SRPK2: variants seen among roughly 807,000 people sequenced by gnomAD.
SRPK2 encodes the protein SRSF protein kinase 2.
In SRPK2, 21 loss-of-function variants were observed where a neutral mutation model predicts 90.8. The ratio of observed to expected loss-of-function variants is 0.23; its 90% CI spans 0.16 to 0.33. The LOEUF (loss-of-function observed/expected upper bound fraction) is 0.33. Among genes scored for constraint, SRPK2 ranks in the 10% least tolerant of loss-of-function variants. The pLI, the probability that SRPK2 is intolerant of heterozygous loss-of-function variation, is 1.00. For missense variants in SRPK2, 620 were observed against 869.0 expected, an observed-to-expected ratio of 0.71 and a Z score of 3.60; for synonymous variants, 288 against 311.1, an observed-to-expected ratio of 0.93 and a Z score of 0.78.
intron 2 of SRPK2, among the ~76,000 whole-genome samples, chr7:105,230,517 T>C (rs1241943487): frequency 6.6e-6 from 1 of 152,156 alleles, no homozygotes; most frequent in East Asian, 1.9e-4. Flanking sequence ...TTAAGCATGA[T>C]GAAGAAAGAA....
intron 2 of SRPK2, among the ~76,000 whole-genome samples, chr7:105,205,196 C>T (rs905884034): frequency 1.3e-5 from 2 of 151,978 alleles, no homozygotes; most frequent in East Asian, 1.9e-4. Context: ...AAAACCCATA[C>T]GGCCACAACT....
intron 2 of SRPK2, among the ~76,000 whole-genome samples, chr7:105,274,140 A>G (rs1806183416): frequency 6.6e-6 from 1 of 152,230 alleles, no homozygotes; most frequent in African/African-American, 2.4e-5. Context: ...TCTTTTGGAT[A>G]AACACAGAAA....
intron 2 of SRPK2, among the ~76,000 whole-genome samples, chr7:105,375,789 G>C (rs1267582976): frequency 1.3e-5 from 2 of 151,862 alleles, no homozygotes; most frequent in African/African-American, 4.8e-5. Context: ...AGGTAATATG[G>C]CACCCATATC....
At chr7:105,193,126 T>A (rs946169628) in intron 3 of SRPK2, among the ~76,000 whole-genome samples, 1 of 152,224 alleles carries the variant, frequency 6.6e-6, no homozygotes, top group African/African-American at 2.4e-5. Context: ...AGCCAATGTC[T>A]AGAAGGATTT....
chr7:105,115,517 A>T (rs1193012147), downstream of SRPK2: 1 of 152,182 alleles, frequency 6.6e-6, no homozygotes, highest in African/African-American at 2.4e-5. Flanking sequence ...CAGAAAGGAA[A>T]AGATAGATAG....
chr7:105,127,157 G>T, intron 13 of SRPK2, 95 bp from the exon 14 acceptor site: 1 of 1,184,462 alleles, frequency 8.4e-7, no homozygotes, highest in Non-Finnish European at 1.2e-6. Flanking sequence ...ACTTTATGAA[G>T]ATCTGAATCA....
chr7:105,397,945 A>G (rs1456247575), intron 1 of SRPK2, among the ~76,000 whole-genome samples: 2 of 152,110 alleles, frequency 1.3e-5, no homozygotes, highest in Non-Finnish European at 2.9e-5. Flanking sequence ...ACCGCACCCA[A>G]CCGGTTTTAA....
At chr7:105,315,560 GGGCCCATGACTCTCA>G (rs1450645004) in intron 2 of SRPK2, among the ~76,000 whole-genome samples, 1 of 152,096 alleles carries the variant, frequency 6.6e-6, no homozygotes, top group African/African-American at 2.4e-5. Flanking sequence ...TGAGAATTCT[GGGCCCATGACTCTCA>G]TTTCAACCTT....
chr7:105,255,327 G>A (rs1325286582), intron 2 of SRPK2, among the ~76,000 whole-genome samples: 1 of 151,638 alleles, frequency 6.6e-6, no homozygotes, highest in Non-Finnish European at 1.5e-5. Flanking sequence ...CCGTATCTGC[G>A]TGTGCATCTG....
intron 2 of SRPK2, among the ~76,000 whole-genome samples, chr7:105,260,586 A>T (rs1450733459): frequency 6.6e-6 from 1 of 152,230 alleles, no homozygotes; most frequent in African/African-American, 2.4e-5. Flanking sequence ...ATGCACACCT[A>T]TGTTTATTGT....
At chr7:105,306,581 G>C (rs773626686) in intron 2 of SRPK2, 36 of 420,460 alleles carry the variant, frequency 8.6e-5, no homozygotes, top group Admixed American at 3.3e-4. Context: ...CCTGAACAAA[G>C]AAAAAACAGT....
rs3801284 is a variant in SRPK2, at chr7:105,222,412, A to G, written c.72-18627T>C. 1.0e-3 allele frequency among the ~76,000 whole-genome samples: 157 copies of G among 152,394 alleles called. 2 individuals are homozygous for G. In the East Asian group the frequency reaches 0.024, roughly 24 times the overall value. ...CATTCCTTTTTAGGAAAATATTAAAAGCACTAAAATCAAAGGCTTAAAACT... is the reference window on the plus strand; with the variant it reads ...CATTCCTTTTTAGGAAAATATTAAAGGCACTAAAATCAAAGGCTTAAAACT... On this transcript the variant is annotated intron_variant, in intron 2 of 15. Coordinates refer to ENST00000393651, the MANE Select transcript of SRPK2 (RefSeq NM_182692.3).
At chr7:105,129,229 C>T (rs1276375647) in intron 13 of SRPK2, among the ~76,000 whole-genome samples, 4 of 151,580 alleles carry the variant, frequency 2.6e-5, no homozygotes, top group East Asian at 2.0e-4. Context: ...CCACCAAGCC[C>T]GGCCAAATAA....
chr7:105,394,089 G>A (rs1243677750), upstream of SRPK2, among the ~76,000 whole-genome samples: 1 of 151,922 alleles, frequency 6.6e-6, no homozygotes, highest in Non-Finnish European at 1.5e-5. Flanking sequence ...TCATGTAAAT[G>A]GAATCATACA....
chr7:105,128,097 A>C (rs1053432978), intron 13 of SRPK2, among the ~76,000 whole-genome samples: 1 of 152,064 alleles, frequency 6.6e-6, no homozygotes, highest in Non-Finnish European at 1.5e-5. Flanking sequence ...GTGAGGGGCC[A>C]CCTCTCCTGG....
intron 2 of SRPK2, among the ~76,000 whole-genome samples, chr7:105,301,216 G>A (rs1377714575): frequency 6.6e-6 from 1 of 151,562 alleles, no homozygotes; most frequent in Non-Finnish European, 1.5e-5. Flanking sequence ...GGCCGAGGCA[G>A]GCGGATCATG....
intron 2 of SRPK2, among the ~76,000 whole-genome samples, chr7:105,342,396 T>C (rs184651373): frequency 6.6e-6 from 1 of 151,712 alleles, no homozygotes; most frequent in Admixed American, 6.6e-5. Context: ...AATGTGATTT[T>C]TGTAGAATCT....
At chr7:105,329,593 CAAA>C (rs747890497) in intron 2 of SRPK2, among the ~76,000 whole-genome samples, 2 of 81,858 alleles carry the variant, frequency 2.4e-5, no homozygotes. Flanking sequence ...GACTCCGTCT[CAAA>C]AAAAAAAAAA....
At chr7:105,365,258 G>A (rs1008216297) in intron 2 of SRPK2, among the ~76,000 whole-genome samples, 1 of 152,002 alleles carries the variant, frequency 6.6e-6, no homozygotes, top group Non-Finnish European at 1.5e-5. Flanking sequence ...GCTGAGGCGG[G>A]TGGATCACCT....
Sources: allele counts gnomAD v4.1 joint callset (sites outside exome capture counted in the v4.1 genomes callset), GRCh38; gene constraint gnomAD v4.1.1; transcripts MANE v1.5; gene names NCBI Gene and HGNC (gene_info 2026-07-23, HGNC 2026-07-21).